Variants in RBFOX1 observed in about 807,000 individuals in gnomAD.
The protein encoded by RBFOX1 is RNA binding protein fox-1 homolog 1.
Under a neutral mutation model 57.7 loss-of-function variants are expected in RBFOX1, and 8 were observed. The ratio of observed to expected loss-of-function variants is 0.14; its 90% CI spans 0.08 to 0.25. The LOEUF (loss-of-function observed/expected upper bound fraction) is 0.25, where lower values mean the gene tolerates loss of function less well. RBFOX1 is among the 10% of genes least tolerant of loss of function. The pLI is 1.00. For missense variants in RBFOX1, 611 were observed against 548.5 expected (o/e 1.11, Z -1.14); for synonymous variants, 326 against 222.4 (o/e 1.47, Z -4.15).
At chr16:7,396,677 C>A (rs74012547) in intron 4 of RBFOX1, among the ~76,000 whole-genome samples, 2,243 of 152,322 alleles carry the variant, frequency 0.015, 56 homozygotes, top group African/African-American at 0.051. Flanking sequence ...TGGTGACTTA[C>A]ACCTGTAATC....
intron 4 of RBFOX1, among the ~76,000 whole-genome samples, chr16:5,886,420 A>C (rs1436118237): frequency 1.3e-5 from 2 of 152,244 alleles, no homozygotes; most frequent in Non-Finnish European, 2.9e-5. Flanking sequence ...GTTCTGTAGA[A>C]ATAGACAGAA....
chr16:6,617,174 G>A (rs953863500), intron 2 of RBFOX1, among the ~76,000 whole-genome samples: 1 of 151,906 alleles, frequency 6.6e-6, no homozygotes, highest in Non-Finnish European at 1.5e-5. Flanking sequence ...ATAAGCACTT[G>A]TCCACCTTGA....
At chr16:6,643,880 C>A (rs1052857848) in intron 2 of RBFOX1, among the ~76,000 whole-genome samples, 1 of 152,040 alleles carries the variant, frequency 6.6e-6, no homozygotes, top group Non-Finnish European at 1.5e-5. Context: ...AATCCCAGCA[C>A]TTTCGGAGGC....
intron 1 of RBFOX1, among the ~76,000 whole-genome samples, chr16:6,249,510 G>A (rs2097590331): frequency 6.6e-6 from 1 of 151,900 alleles, no homozygotes; most frequent in African/African-American, 2.4e-5. Flanking sequence ...GGCGACAGAG[G>A]GAGACTCCAT....
chr16:5,339,565 C>G (rs1174350030), intron 1 of RBFOX1, among the ~76,000 whole-genome samples: 3 of 134,386 alleles, frequency 2.2e-5, no homozygotes, highest in African/African-American at 8.4e-5. Flanking sequence ...TCACTGCAAG[C>G]TTCAACTCTC....
chr16:7,414,933 C>A (rs2098464319), intron 4 of RBFOX1, among the ~76,000 whole-genome samples: 1 of 152,180 alleles, frequency 6.6e-6, no homozygotes, highest in South Asian at 2.1e-4. Context: ...TTTCTAATCC[C>A]TGTAACAGAT....
At chr16:5,705,238 G>C (rs1242170218) in intron 3 of RBFOX1, among the ~76,000 whole-genome samples, 1 of 152,116 alleles carries the variant, frequency 6.6e-6, no homozygotes, top group Non-Finnish European at 1.5e-5. Context: ...CACCATCCAT[G>C]TGCTAATGGA....
intron 5 of RBFOX1, among the ~76,000 whole-genome samples, chr16:7,522,459 A>G (rs557937468): frequency 3.9e-5 from 6 of 152,346 alleles, no homozygotes; most frequent in Non-Finnish European, 5.9e-5. Flanking sequence ...GGATGTCTTT[A>G]AAGACCTAGA....
chr16:6,396,567 C>T (rs1372618499), intron 2 of RBFOX1, among the ~76,000 whole-genome samples: 1 of 152,094 alleles, frequency 6.6e-6, no homozygotes, highest in East Asian at 1.9e-4. Flanking sequence ...CTGAAAGAAC[C>T]GAGTGGATAC....
chr16:5,899,126 CAG>C (rs1031857674), intron 4 of RBFOX1, among the ~76,000 whole-genome samples: 6 of 112,576 alleles, frequency 5.3e-5, no homozygotes, highest in Non-Finnish European at 6.7e-5. Context: ...GCCCAGGAAA[CAG>C]AGCGAGACCC....
Position 5,963,860 on chromosome 16 carries a change from A to C in RBFOX1, c.351+96525A>C, listed in dbSNP as rs533801908. ...CATTGGTCTTAGCAGTTTTTTGGAC[A>C]TGACACAAAAACACAGGCAACAAAA... On this transcript the variant is annotated intron_variant, in intron 4 of 19. Transcript: ENST00000641259. Among the ~76,000 whole-genome samples, 8 of 152,352 alleles carry C rather than the reference A, an allele frequency of 5.3e-5. No individual in the cohort carries two copies. In the South Asian group the frequency reaches 1.2e-3, roughly 24 times the overall value.
intron 2 of RBFOX1, chr16:6,483,852 C>T: frequency 8.3e-7 from 1 of 1,200,892 alleles, no homozygotes; most frequent in Non-Finnish European, 1.0e-6. Context: ...TGGATGGAAT[C>T]CGGGAAACCC....
chr16:5,287,737 A>G (rs1043568192), intron 1 of RBFOX1, among the ~76,000 whole-genome samples: 9 of 152,334 alleles, frequency 5.9e-5, no homozygotes, highest in Admixed American at 5.9e-4. Context: ...ATGAATGCAC[A>G]GTTTCCAAGT....
intron 1 of RBFOX1, among the ~76,000 whole-genome samples, chr16:6,028,450 A>G (rs2095237788): frequency 7.0e-6 from 1 of 143,648 alleles, no homozygotes; most frequent in Non-Finnish European, 1.5e-5. Context: ...AGGCAGGAAG[A>G]TTGCTTGAGC....
At chr16:6,752,930 C>G (rs184930259) in intron 3 of RBFOX1, among the ~76,000 whole-genome samples, 4 of 151,848 alleles carry the variant, frequency 2.6e-5, no homozygotes, top group African/African-American at 9.7e-5. Flanking sequence ...TATGTTTATA[C>G]GGTGTGAATA....
At chr16:5,356,042 G>C (rs377108387) in intron 1 of RBFOX1, among the ~76,000 whole-genome samples, 37 of 152,306 alleles carry the variant, frequency 2.4e-4, no homozygotes, top group African/African-American at 7.2e-4. Context: ...AGTGAGCCAA[G>C]ATCACACCAC....
At chr16:5,451,778 G>A (rs1206683652) in intron 1 of RBFOX1, among the ~76,000 whole-genome samples, 1 of 151,852 alleles carries the variant, frequency 6.6e-6, no homozygotes, top group East Asian at 1.9e-4. Flanking sequence ...CTCTTTTTTC[G>A]TGTACCAGGC....
intron 4 of RBFOX1, among the ~76,000 whole-genome samples, chr16:7,094,216 G>A (rs1312436368): frequency 1.3e-5 from 2 of 151,986 alleles, no homozygotes; most frequent in African/African-American, 4.8e-5. Flanking sequence ...ATTAGTTTCT[G>A]TGCAAACTTG....
chr16:6,794,337 T>C lies in RBFOX1; in HGVS notation c.-16+139687T>C, dbSNP rs148745697. ...CATTCCAATCGGGCTAATACAAACA[T>C]GAGGCATTCTCAAACTACAGGAAAT... On this transcript the variant is annotated intron_variant, in intron 3 of 15. Transcript: ENST00000550418. Among the ~76,000 whole-genome samples, 1,282 of 144,756 alleles carry C rather than the reference T, an allele frequency of 8.9e-3. 18 individuals are homozygous for C. The highest frequency in any genetic ancestry group is 0.03 in the African/African-American group (1,211 of 39,864). 95.0% of individuals were successfully genotyped at this position (144,756 alleles called of 152,430 possible). A position where few individuals can be genotyped will look rare whatever the true frequency, so the allele number is the denominator to read the frequency against.
Sources: allele counts gnomAD v4.1 joint callset (sites outside exome capture counted in the v4.1 genomes callset), GRCh38; gene constraint gnomAD v4.1.1; transcripts MANE v1.5; gene names NCBI Gene and HGNC (gene_info 2026-07-23, HGNC 2026-07-21).